The following VPS13B variants were observed in gnomAD, a reference collection of about 807,000 sequenced individuals.
The protein encoded by VPS13B is vacuolar protein sorting 13 homolog B.
A neutral mutation model predicts 426.4 loss-of-function variants in VPS13B; 285 were observed. The ratio of observed to expected loss-of-function variants is 0.67; its 90% CI spans 0.61 to 0.74. The LOEUF (loss-of-function observed/expected upper bound fraction) is 0.74, where lower values mean the gene tolerates loss of function less well. Among genes scored for constraint, VPS13B ranks in the 30% least tolerant of loss-of-function variants. The pLI is 0.00. For synonymous variants in VPS13B, 1,676 were observed against 1,676.4 expected, an observed-to-expected ratio of 1.00 and a Z score of 0.01; for missense variants, 4,537 against 4,782.6, an observed-to-expected ratio of 0.95 and a Z score of 1.51.
At chr8:99,757,344 T>C (rs1810691122) in intron 39 of VPS13B, among the ~76,000 whole-genome samples, 2 of 152,176 alleles carry the variant, frequency 1.3e-5, no homozygotes, top group South Asian at 2.1e-4. Flanking sequence ...CATCAGTTGC[T>C]AGATCTCCCC....
At chr8:99,176,836 G>C (rs1350495880) in intron 16 of VPS13B, among the ~76,000 whole-genome samples, 1 of 152,208 alleles carries the variant, frequency 6.6e-6, no homozygotes, top group African/African-American at 2.4e-5. Flanking sequence ...AAAGCAAAGA[G>C]AAGATGAAGG....
chr8:99,079,054 G>C (rs1257884337), intron 3 of VPS13B, among the ~76,000 whole-genome samples: 1 of 152,130 alleles, frequency 6.6e-6, no homozygotes, highest in African/African-American at 2.4e-5. Flanking sequence ...CAGGCTCCCA[G>C]ATATCAGGTG....
intron 5 of VPS13B, among the ~76,000 whole-genome samples, chr8:99,107,471 CTATT>C (rs1207453564): frequency 2.0e-5 from 3 of 151,922 alleles, no homozygotes; most frequent in Non-Finnish European, 4.4e-5. Flanking sequence ...GGCCATCTAT[CTATT>C]CCTTCTCCTT....
intron 3 of VPS13B, among the ~76,000 whole-genome samples, chr8:99,073,364 A>G (rs946380116): frequency 6.6e-6 from 1 of 152,214 alleles, no homozygotes; most frequent in Non-Finnish European, 1.5e-5. Flanking sequence ...ATCTATGAAC[A>G]TAGGATGTCT....
intron 16 of VPS13B, among the ~76,000 whole-genome samples, chr8:99,191,783 C>A (rs1180065613): frequency 2.0e-5 from 3 of 152,150 alleles, no homozygotes; most frequent in African/African-American, 7.2e-5. Context: ...TCCTACATTT[C>A]CATCTTCTGC....
intron 19 of VPS13B, among the ~76,000 whole-genome samples, chr8:99,379,204 C>T (rs934676655): frequency 6.6e-6 from 1 of 152,172 alleles, no homozygotes; most frequent in Non-Finnish European, 1.5e-5. Flanking sequence ...CTCCACCCCC[C>T]AAATCCGTGG....
At chr8:99,204,058 C>G (rs1450147863) in intron 17 of VPS13B, among the ~76,000 whole-genome samples, 1 of 152,118 alleles carries the variant, frequency 6.6e-6, no homozygotes, top group East Asian at 1.9e-4. Flanking sequence ...CAAGACAATC[C>G]TAAACAAAAG....
intron 19 of VPS13B, among the ~76,000 whole-genome samples, chr8:99,304,339 A>G (rs1424729294): frequency 6.6e-6 from 1 of 152,180 alleles, no homozygotes; most frequent in South Asian, 2.1e-4. Context: ...AGGGATTAGG[A>G]AAGAAAATTT....
intron 51 of VPS13B, among the ~76,000 whole-genome samples, chr8:99,829,228 G>A (rs1464515069): frequency 6.6e-6 from 1 of 152,072 alleles, no homozygotes. Context: ...TCACTTTTAG[G>A]TACACCAATC....
chr8:99,042,480 G>A (rs1843004969), intron 3 of VPS13B, among the ~76,000 whole-genome samples: 1 of 152,064 alleles, frequency 6.6e-6, no homozygotes, highest in Non-Finnish European at 1.5e-5. Context: ...AAAACCTAAG[G>A]TGATTTTATC....
intron 17 of VPS13B, among the ~76,000 whole-genome samples, chr8:99,227,082 C>T (rs981464116): frequency 3.3e-5 from 5 of 152,204 alleles, no homozygotes; most frequent in Non-Finnish European, 7.3e-5. Flanking sequence ...TATCATTCTA[C>T]TGTCCACCTT....
intron 33 of VPS13B, among the ~76,000 whole-genome samples, chr8:99,633,806 G>GGTGTGTGTGTGTGTGTGTGTGT (rs139474452): frequency 1.1e-3 from 165 of 143,952 alleles, no homozygotes; most frequent in African/African-American, 3.5e-3. Context: ...GAATGTGTCA[G>GGTGTGTGTGTGTGTGTGTGTGT]GTGTGTGTGT....
chr8:99,360,124 T>TA lies in VPS13B; in HGVS notation c.2825-24084_2825-24083insA, dbSNP rs1812424787. ...ACCTGTTTTTTTTTTTTCCTTATCT[T>TA]TCTTTCTTTCTTTCTTTCTTTCTTT... is the stretch of plus-strand genomic sequence containing the variant. On this transcript the variant is annotated intron_variant, in intron 19 of 61. Transcript: ENST00000357162. 1.2e-4 allele frequency among the ~76,000 whole-genome samples: 3 copies of TA among 25,568 alleles called. No individual in the cohort carries two copies. In the South Asian group the frequency reaches 5.0e-3, roughly 42 times the overall value. The allele number at this position is 25,568 out of a possible 152,430, so 16.8% of individuals were successfully genotyped here.
chr8:99,323,668 G>A (rs903921099), intron 19 of VPS13B, among the ~76,000 whole-genome samples: 11 of 152,098 alleles, frequency 7.2e-5, no homozygotes, highest in African/African-American at 2.4e-4. Flanking sequence ...ACTTAGATAG[G>A]CTATTATCTA....
At chr8:99,575,880 A>G in intron 32 of VPS13B, 96 bp downstream of exon 32, 1 of 1,230,054 alleles carries the variant, frequency 8.1e-7, no homozygotes. Flanking sequence ...ATAGGACTTC[A>G]AATTAGCTCA....
At chr8:99,599,124 ATTTACATT>A (rs1680368963) in intron 33 of VPS13B, among the ~76,000 whole-genome samples, 2 of 152,098 alleles carry the variant, frequency 1.3e-5, no homozygotes, top group African/African-American at 4.8e-5. Context: ...AGCATGATAA[ATTTACATT>A]TTTTAAAATA....
chr8:99,063,262 G>A (rs569523917), intron 3 of VPS13B, among the ~76,000 whole-genome samples: 3 of 152,352 alleles, frequency 2.0e-5, no homozygotes, highest in African/African-American at 4.8e-5. Context: ...GAAGCAGGGC[G>A]GGGCGTCGCC....
At chr8:99,022,607 C>A (rs771792236) in intron 2 of VPS13B, among the ~76,000 whole-genome samples, 1 of 152,088 alleles carries the variant, frequency 6.6e-6, no homozygotes, top group African/African-American at 2.4e-5. Context: ...CTGTAAATAT[C>A]ACTTACCAGA....
chr8:99,754,331 A>G (rs563329865), intron 39 of VPS13B, among the ~76,000 whole-genome samples: 2 of 152,276 alleles, frequency 1.3e-5, no homozygotes, highest in East Asian at 3.9e-4. Flanking sequence ...GTAACTATTG[A>G]AAAGTATCTC....
Sources: allele counts gnomAD v4.1 joint callset (sites outside exome capture counted in the v4.1 genomes callset), GRCh38; gene constraint gnomAD v4.1.1; transcripts MANE v1.5; gene names NCBI Gene and HGNC (gene_info 2026-07-23, HGNC 2026-07-21).